Variants in WWOX observed in about 807,000 individuals in gnomAD.
WWOX encodes WW domain containing oxidoreductase.
Under a neutral mutation model 46.2 loss-of-function variants are expected in WWOX, and 69 were observed. The observed-to-expected ratio is 1.49, with a 90% CI of 1.23 to 1.82. The LOEUF (loss-of-function observed/expected upper bound fraction) is 1.82. WWOX is among the 40% of genes most tolerant of loss of function. The probability of loss-of-function intolerance (pLI) is 0.00; values close to 1 mark genes in which losing one functional copy is unlikely to be tolerated. For missense variants in WWOX, 919 were observed against 542.6 expected (o/e 1.69, Z -6.89); for synonymous variants, 359 against 202.6 (o/e 1.77, Z -6.56).
At chr16:78,812,266 G>A (rs1345469985) in intron 8 of WWOX, among the ~76,000 whole-genome samples, 1 of 152,126 alleles carries the variant, frequency 6.6e-6, no homozygotes, top group Non-Finnish European at 1.5e-5. Context: ...TTCTGTGAGG[G>A]TGGACATTAT....
chr16:78,317,153 G>T (rs1185597991), intron 5 of WWOX, among the ~76,000 whole-genome samples: 1 of 152,152 alleles, frequency 6.6e-6, no homozygotes, highest in Non-Finnish European at 1.5e-5. Flanking sequence ...AGTAAGGGAA[G>T]GCTTCTGGAA....
rs369483815 is a variant in WWOX, at chr16:78,418,966, A to C, written c.606-5904A>C. Among the ~76,000 whole-genome samples the C allele has an allele frequency of 1.3e-4, 20 of 152,282 alleles. No homozygotes were observed. In the East Asian group the frequency reaches 3.9e-3, roughly 29 times the overall value. ...GAAATTGGGCAAAAAACAAAAAAGC[A>C]AAAGAATGGAAAAAAAAGATCCAGA... is the stretch of plus-strand genomic sequence containing the variant. On this transcript the variant is annotated intron_variant, in intron 6 of 8. Transcript: ENST00000566780.
intron 5 of WWOX, among the ~76,000 whole-genome samples, chr16:78,275,877 C>T (rs57001457): frequency 0.014 from 2,092 of 152,248 alleles, 51 homozygotes; most frequent in African/African-American, 0.049. Context: ...GTCCTTCCGA[C>T]GAGGAAGTGC....
intron 8 of WWOX, among the ~76,000 whole-genome samples, chr16:78,877,722 T>C (rs964719385): frequency 9.2e-5 from 14 of 152,228 alleles, no homozygotes; most frequent in Admixed American, 3.9e-4. Context: ...TGCTCACTAT[T>C]GTACTTCAGG....
intron 8 of WWOX, among the ~76,000 whole-genome samples, chr16:78,648,253 G>C (rs2046888611): frequency 6.6e-6 from 1 of 152,182 alleles, no homozygotes; most frequent in Non-Finnish European, 1.5e-5. Context: ...ACCCAAGGTG[G>C]TGAGGGGCTG....
At chr16:78,269,685 A>T (rs1213332864) in intron 5 of WWOX, among the ~76,000 whole-genome samples, 2 of 152,210 alleles carry the variant, frequency 1.3e-5, no homozygotes, top group African/African-American at 2.4e-5. Flanking sequence ...CTCTAATTTA[A>T]ACAGCATTTC....
intron 8 of WWOX, among the ~76,000 whole-genome samples, chr16:79,011,460 T>TTTATTTAC (rs2047306962): frequency 3.4e-5 from 1 of 29,662 alleles, no homozygotes; most frequent in Non-Finnish European, 6.2e-5. Context: ...TATTTTTTAT[T>TTTATTTAC]TTATTTATTT....
chr16:78,654,679 A>G (rs2047041788), intron 8 of WWOX, among the ~76,000 whole-genome samples: 1 of 151,972 alleles, frequency 6.6e-6, no homozygotes, highest in South Asian at 2.1e-4. Flanking sequence ...GTGTGTGTGT[A>G]TAAAATTACA....
chr16:78,398,315 G>A (rs2082335144), intron 6 of WWOX, among the ~76,000 whole-genome samples: 1 of 152,136 alleles, frequency 6.6e-6, no homozygotes, highest in Non-Finnish European at 1.5e-5. Context: ...AGGCTTCTCT[G>A]CTCCGCTGCT....
Position 78,911,017 on chromosome 16 carries a change from A to T in WWOX, c.1057-300591A>T, listed in dbSNP as rs143161337. 5.0e-3 allele frequency among the ~76,000 whole-genome samples: 758 copies of T among 152,154 alleles called. 27 individuals are homozygous for T. The highest frequency in any genetic ancestry group is 0.039 in the Admixed American group (593 of 15,282). ...AATTTTTGTCAATTAAAAATAAATT[A>T]AAAAAATTAAAAAATGGCTTTCCCA... On this transcript the variant is annotated intron_variant, in intron 8 of 8. Coordinates refer to ENST00000566780, the MANE Select transcript of WWOX (RefSeq NM_016373.4).
chr16:78,993,585 G>C (rs1374485854), intron 8 of WWOX, among the ~76,000 whole-genome samples: 3 of 152,200 alleles, frequency 2.0e-5, no homozygotes, highest in Non-Finnish European at 4.4e-5. Context: ...CCCGGAACAG[G>C]GATGGGGACA....
intron 8 of WWOX, among the ~76,000 whole-genome samples, chr16:78,820,270 A>G (rs980741324): frequency 2.0e-5 from 3 of 152,198 alleles, no homozygotes; most frequent in Admixed American, 1.3e-4. Context: ...AATTTGCAGT[A>G]CCAGAATGTC....
At chr16:78,657,819 TTGTG>T (rs1208528129) in intron 8 of WWOX, among the ~76,000 whole-genome samples, 1 of 152,172 alleles carries the variant, frequency 6.6e-6, no homozygotes, top group Non-Finnish European at 1.5e-5. Flanking sequence ...TTTTGTTTTT[TTGTG>T]TGTGTGTTAT....
rs141253634 is a variant in WWOX at position 78,104,405 on chromosome 16, A to T, written c.108-4018A>T. 8.5e-5 allele frequency among the ~76,000 whole-genome samples: 13 copies of T among 152,224 alleles called. 1 individual carries two copies. The highest frequency in any genetic ancestry group is 3.1e-4 in the African/African-American group (13 of 41,562). On this transcript the variant is annotated intron_variant, in intron 1 of 8. Coordinates refer to ENST00000566780, the MANE Select transcript of WWOX (RefSeq NM_016373.4). ...CATAGGCTGGCCATGGTGGGAGGCCAAGGTGGGAGGATCGCCTGAGCCCAG... is the reference window on the plus strand; with the variant it reads ...CATAGGCTGGCCATGGTGGGAGGCCTAGGTGGGAGGATCGCCTGAGCCCAG...
At chr16:78,341,044 T>C (rs2081003502) in intron 5 of WWOX, among the ~76,000 whole-genome samples, 2 of 120,236 alleles carry the variant, frequency 1.7e-5, no homozygotes, top group East Asian at 1.9e-4. Flanking sequence ...CCACATTTTC[T>C]GAGCCTTTGC....
intron 4 of WWOX, chr16:78,123,512 C>T (rs1235111888): frequency 1.6e-5 from 2 of 123,752 alleles, no homozygotes; most frequent in South Asian, 2.7e-4. Flanking sequence ...GGCTGGAGTG[C>T]AGTGGCGCAT....
intron 8 of WWOX, among the ~76,000 whole-genome samples, chr16:79,134,714 G>A (rs2049950087): frequency 6.6e-6 from 1 of 152,142 alleles, no homozygotes; most frequent in Non-Finnish European, 1.5e-5. Flanking sequence ...AGGGACTTGG[G>A]GCTCAGAGAA....
intron 5 of WWOX, among the ~76,000 whole-genome samples, chr16:78,384,571 TA>T (rs905693243): frequency 6.6e-6 from 1 of 152,136 alleles, no homozygotes; most frequent in African/African-American, 2.4e-5. Context: ...GCCCTCTTTA[TA>T]GGGGGGATGT....
intron 8 of WWOX, among the ~76,000 whole-genome samples, chr16:79,072,280 T>TC (rs975771101): frequency 6.6e-6 from 1 of 151,874 alleles, no homozygotes; most frequent in African/African-American, 2.4e-5. Context: ...AATGAGACTG[T>TC]CCCCCCAACC....
Sources: gnomAD v4.1 joint callset for allele counts (sites outside exome capture counted in the v4.1 genomes callset) on GRCh38, gnomAD v4.1.1 for gene constraint, MANE v1.5 for transcripts, NCBI Gene and HGNC (gene_info 2026-07-23, HGNC 2026-07-21) for gene names.